Variants in CASR observed in about 807,000 individuals in gnomAD.
CASR encodes the protein calcium sensing receptor, also known as extracellular calcium-sensing receptor.
A neutral mutation model predicts 69.1 loss-of-function variants in CASR; 23 were observed. That is an observed-to-expected ratio of 0.33 (90% CI 0.24 to 0.47). The LOEUF (loss-of-function observed/expected upper bound fraction) is 0.47. CASR is among the 20% of genes least tolerant of loss of function. The pLI, the probability that CASR is intolerant of heterozygous loss-of-function variation, is 1.00. For synonymous variants in CASR, 541 were observed against 544.7 expected (o/e 0.99, Z 0.10); for missense variants, 924 against 1,356.1 (o/e 0.68, Z 5.00).
chr3:122,251,064 G>A (rs536337133), intron 1 of CASR, among the ~76,000 whole-genome samples: 84 of 152,302 alleles, frequency 5.5e-4, no homozygotes, highest in African/African-American at 1.9e-3. Context: ...GGATGGTCAT[G>A]GATGTTCAGA....
intron 5 of CASR, among the ~76,000 whole-genome samples, chr3:122,281,136 T>A (rs1281716210): frequency 6.6e-6 from 1 of 152,224 alleles, no homozygotes; most frequent in Non-Finnish European, 1.5e-5. Flanking sequence ...AACCTGGAAG[T>A]TAACCAGAAG....
chr3:122,232,969 T>C (rs573104316), intron 1 of CASR, among the ~76,000 whole-genome samples: 1 of 152,290 alleles, frequency 6.6e-6, no homozygotes, highest in South Asian at 2.1e-4. Context: ...CACAATCATG[T>C]CTGAACACAG....
At chr3:122,230,477 C>T (rs1387146995) in intron 1 of CASR, among the ~76,000 whole-genome samples, 1 of 152,178 alleles carries the variant, frequency 6.6e-6, no homozygotes, top group Non-Finnish European at 1.5e-5. Context: ...TGCTGCTGAC[C>T]GTGGAGAAAG....
At chr3:122,260,425 G>C (rs1235891333) in intron 3 of CASR, among the ~76,000 whole-genome samples, 3 of 152,208 alleles carry the variant, frequency 2.0e-5, no homozygotes, top group African/African-American at 7.2e-5. Flanking sequence ...TGTCAAGACA[G>C]CTTCTCCAGG....
At chr3:122,214,166 G>A (rs1405122143) in intron 1 of CASR, among the ~76,000 whole-genome samples, 5 of 152,074 alleles carry the variant, frequency 3.3e-5, no homozygotes, top group Non-Finnish European at 7.4e-5. Flanking sequence ...TTATGGCCCT[G>A]ATTTCTTTTT....
At chr3:122,187,017 C>A (rs937492036) in intron 1 of CASR, among the ~76,000 whole-genome samples, 2 of 152,178 alleles carry the variant, frequency 1.3e-5, no homozygotes, top group African/African-American at 4.8e-5. Flanking sequence ...TTAAATGTTT[C>A]AATTAACTTT....
In CASR at chr3:122,188,617, TTCTC is replaced by T. The variant is rs1235462352; in HGVS notation, c.-243+4813_-243+4816del. Among the ~76,000 whole-genome samples the T allele has an allele frequency of 3.9e-5, 6 of 152,212 alleles. No individual in the cohort carries two copies. In the South Asian group the frequency reaches 1.2e-3, roughly 32 times the overall value. On this transcript the variant is annotated intron_variant, in intron 1 of 6. Transcript: ENST00000639785. ...ATATCCATCTTCTCTCTCTCTCTTT[TTCTC>T]TCTCTCTATTTCTGGGAGGCTTTCA...
chr3:122,208,935 C>T (rs761871057), intron 1 of CASR, among the ~76,000 whole-genome samples: 1 of 152,184 alleles, frequency 6.6e-6, no homozygotes, highest in Non-Finnish European at 1.5e-5. Flanking sequence ...AGTTCACTCT[C>T]AGTCACTAGA....
At chr3:122,241,843 G>A (rs968606917) in intron 1 of CASR, among the ~76,000 whole-genome samples, 1 of 152,076 alleles carries the variant, frequency 6.6e-6, no homozygotes, top group African/African-American at 2.4e-5. Flanking sequence ...GACCAAGTGG[G>A]ATCTATCCTG....
At chr3:122,258,358 C>CTTT (rs34570632) in intron 3 of CASR, among the ~76,000 whole-genome samples, 9 of 115,224 alleles carry the variant, frequency 7.8e-5, no homozygotes, top group African/African-American at 1.3e-4. Flanking sequence ...GGGAGGGCTC[C>CTTT]TTTTTTTTTT....
chr3:122,244,199 A>G (rs2074405321), intron 1 of CASR, among the ~76,000 whole-genome samples: 1 of 152,192 alleles, frequency 6.6e-6, no homozygotes, highest in Admixed American at 6.5e-5. Flanking sequence ...TGTTTGTAAC[A>G]CAAAAGATAA....
intron 1 of CASR, among the ~76,000 whole-genome samples, chr3:122,198,961 C>CT (rs1473598303): frequency 6.6e-6 from 1 of 152,118 alleles, no homozygotes; most frequent in African/African-American, 2.4e-5. Flanking sequence ...CTTTCCTGCT[C>CT]TTTCCTCCAG....
chr3:122,227,281 G>A (rs2074232761), intron 1 of CASR, among the ~76,000 whole-genome samples: 1 of 152,240 alleles, frequency 6.6e-6, no homozygotes, highest in African/African-American at 2.4e-5. Flanking sequence ...TCATCAGGGA[G>A]GCTCCCGCCA....
chr3:122,233,113 T>G (rs991437370), intron 1 of CASR, among the ~76,000 whole-genome samples: 10 of 152,168 alleles, frequency 6.6e-5, no homozygotes, highest in African/African-American at 2.4e-4. Flanking sequence ...TAGACAAGAT[T>G]TATTAAGATA....
rs1576870344 is a variant in CASR at position 122,275,910 on chromosome 3, C to T, written c.1476C>T (p.Ile492=). Residue 492 remains isoleucine (I), a synonymous_variant, in exon 5 of 7, where the codon ATC becomes ATT. Coordinates refer to ENST00000639785, the MANE Select transcript of CASR (RefSeq NM_000388.4). The part of the protein sequence containing the change: ...CGDLVGNYSI[I]NWHLSPEDGS... ...ACCTGGTGGGGAACTATTCCATCAT[C>T]AACTGGCACCTCTCCCCAGAGGATG... 1 of 1,613,806 alleles carries T rather than the reference C, an allele frequency of 6.2e-7. No individual in the cohort carries two copies. The highest frequency in any genetic ancestry group is 8.5e-7 in the Non-Finnish European group (1 of 1,179,778).
chr3:122,253,753 T>G (rs953997784), intron 1 of CASR, among the ~76,000 whole-genome samples, 195 bp from the exon 2 acceptor site: 1 of 152,210 alleles, frequency 6.6e-6, no homozygotes, highest in African/African-American at 2.4e-5. Context: ...AACATAGTTC[T>G]TCCCCAATAT....
At chr3:122,273,428 G>A (rs1378510946) in intron 4 of CASR, among the ~76,000 whole-genome samples, 1 of 152,178 alleles carries the variant, frequency 6.6e-6, no homozygotes, top group East Asian at 1.9e-4. Context: ...TATGTATTAA[G>A]TATTAGAACA....
intron 3 of CASR, among the ~76,000 whole-genome samples, 180 bp from the exon 4 acceptor site, chr3:122,261,347 TG>T (rs2074619196): frequency 1.3e-5 from 2 of 152,250 alleles, no homozygotes; most frequent in South Asian, 4.1e-4. Flanking sequence ...GTGCTCACTC[TG>T]GAGTGGAACA....
rs202119951 is a variant in CASR at position 122,283,988 on chromosome 3, C to T, written c.2034C>T (p.Arg678=). ...GGGAGCCCCAGGACTGGACGTGCCG[C>T]CTGCGCCAGCCGGCCTTTGGCATCA... ...FIGEPQDWTC[R]LRQPAFGISF... is the part of the protein sequence containing the mutation. The change falls in exon 7 of 7, where the codon CGC becomes CGT. Residue 678 remains arginine (R), a synonymous_variant. Transcript: ENST00000639785. 3.1e-6 allele frequency: 5 copies of T among 1,613,686 alleles called. No individual in the cohort carries two copies. In the African/African-American group the frequency reaches 6.7e-5, roughly 22 times the overall value.
Sources: gnomAD v4.1 joint callset for allele counts (sites outside exome capture counted in the v4.1 genomes callset) on GRCh38, gnomAD v4.1.1 for gene constraint, MANE v1.5 for transcripts, NCBI Gene and HGNC (gene_info 2026-07-23, HGNC 2026-07-21) for gene names.